HDAC8: variants seen among roughly 807,000 people sequenced by gnomAD.
HDAC8 encodes histone deacetylase-like 1.
A neutral mutation model predicts 32.2 loss-of-function variants in HDAC8; 1 was observed. That is an observed-to-expected ratio of 0.03 (90% CI 0.01 to 0.15). The LOEUF is 0.15. HDAC8 is among the 10% of genes least tolerant of loss of function. The probability of loss-of-function intolerance (pLI) is 1.00; values close to 1 mark genes in which losing one functional copy is unlikely to be tolerated. For synonymous variants in HDAC8, 108 were observed against 113.9 expected, an observed-to-expected ratio of 0.95 and a Z score of 0.33; for missense variants, 117 against 300.0, an observed-to-expected ratio of 0.39 and a Z score of 4.51.
chrX:72,452,272 A>G (rs1555987760), intron 9 of HDAC8, among the ~76,000 whole-genome samples: 1 of 112,046 alleles, frequency 8.9e-6, no homozygotes, highest in African/African-American at 3.2e-5. Flanking sequence ...CCTGGCCAAC[A>G]TGGCGAAACC....
chrX:72,405,246 C>T (rs1427160047), intron 9 of HDAC8, among the ~76,000 whole-genome samples: 2 of 111,879 alleles, frequency 1.8e-5, no homozygotes, highest in Admixed American at 1.9e-4. Flanking sequence ...CCTTCTGTTT[C>T]TGCATTAGTT....
Position 72,451,809 on chromosome X carries a change from T to C in HDAC8, c.1005+10195A>G, listed in dbSNP as rs1161320063. Among the ~76,000 whole-genome samples, 11 of 112,407 alleles carry C rather than the reference T, an allele frequency of 9.8e-5. No homozygotes were observed. The South Asian group carries it at 3.3e-3, about 34-fold the overall frequency. On this transcript the variant is annotated intron_variant, in intron 9 of 10. Coordinates refer to ENST00000373573, the MANE Select transcript of HDAC8 (RefSeq NM_018486.3). ...ACATCTATTTTCAGAAATTGGACAA[T>C]AAACAGTACAAGATACTGATTCCTG...
intron 9 of HDAC8, among the ~76,000 whole-genome samples, chrX:72,399,969 C>A (rs1395977839): frequency 2.7e-5 from 3 of 111,893 alleles, no homozygotes; most frequent in African/African-American, 9.7e-5. Context: ...GTTGCTAAAT[C>A]CAATGGTCAA....
At chrX:72,406,965 G>T (rs782333623) in intron 9 of HDAC8, among the ~76,000 whole-genome samples, 16 of 112,086 alleles carry the variant, frequency 1.4e-4, no homozygotes, top group Admixed American at 2.8e-4. Context: ...GTATGTAGTG[G>T]CTTCAGAGCT....
rs201367359 is a variant in HDAC8 at position 72,440,514 on chromosome X, C to CA, written c.1005+21489dup. Reference sequence around the variant, plus strand: ...GGAGATAGAGACACAAAAAACCCTTCAAAAAAAAATCAATGAATCCATGAG... The same window carrying CA: ...GGAGATAGAGACACAAAAAACCCTTCAAAAAAAAAATCAATGAATCCATGAG... On this transcript the variant is annotated intron_variant, in intron 9 of 10. Coordinates refer to ENST00000373573, the MANE Select transcript of HDAC8 (RefSeq NM_018486.3). Among the ~76,000 whole-genome samples, 775 of 110,255 alleles carry CA rather than the reference C, an allele frequency of 7.0e-3. 7 individuals are homozygous for CA. Among genetic ancestry groups the CA allele is most frequent in the African/African-American group, 0.022 (683 of 30,366 alleles).
intron 9 of HDAC8, among the ~76,000 whole-genome samples, chrX:72,354,360 C>T (rs1259301585): frequency 8.9e-6 from 1 of 112,451 alleles, no homozygotes; most frequent in Non-Finnish European, 1.9e-5. Context: ...TGAGCCAGTT[C>T]TACATGGCAG....
intron 7 of HDAC8, among the ~76,000 whole-genome samples, chrX:72,469,649 G>A (rs368921855): frequency 2.7e-5 from 3 of 112,070 alleles, no homozygotes; most frequent in African/African-American, 9.7e-5. Context: ...GAGAAATCAA[G>A]TGAATTGCTT....
chrX:72,366,387 C>T (rs138728535), intron 9 of HDAC8, among the ~76,000 whole-genome samples: 1 of 112,070 alleles, frequency 8.9e-6, no homozygotes, highest in African/African-American at 3.2e-5. Context: ...TCTCTCCCCA[C>T]TCCTCTTTAT....
intron 9 of HDAC8, among the ~76,000 whole-genome samples, chrX:72,409,491 C>T (rs2046135442): frequency 8.9e-6 from 1 of 112,397 alleles, no homozygotes; most frequent in Admixed American, 9.4e-5. Context: ...AGCTTCTCCA[C>T]CTTCTCCATG....
intron 7 of HDAC8, chrX:72,467,033 T>G (rs1555994993): frequency 9.0e-6 from 1 of 111,612 alleles, no homozygotes; most frequent in Non-Finnish European, 1.9e-5. Context: ...AGGTGGAGAA[T>G]AGATTAGTTG....
intron 4 of HDAC8, among the ~76,000 whole-genome samples, chrX:72,538,583 A>G (rs1247479263): frequency 8.9e-6 from 1 of 112,080 alleles, no homozygotes; most frequent in Admixed American, 9.5e-5. Flanking sequence ...AATTAGTTTT[A>G]GATACAAACT....
chrX:72,554,478 TGGAGCGGGTAGGGCGGGG>T (rs1206039259), intron 4 of HDAC8, among the ~76,000 whole-genome samples: 3 of 13,738 alleles, frequency 2.2e-4, no homozygotes, highest in Non-Finnish European at 3.5e-4. Flanking sequence ...CAGTGCTGTT[TGGAGCGGGTAGGGCGGGG>T]GGAGCGGGGA....
At chrX:72,393,148 A>G (rs782173143) in intron 9 of HDAC8, among the ~76,000 whole-genome samples, 1 of 112,155 alleles carries the variant, frequency 8.9e-6, no homozygotes, top group Non-Finnish European at 1.9e-5. Context: ...CATTGTTAGT[A>G]TAATTTGAGC....
intron 9 of HDAC8, among the ~76,000 whole-genome samples, chrX:72,424,154 A>G (rs182167971): frequency 1.4e-3 from 161 of 112,143 alleles, no homozygotes; most frequent in African/African-American, 5.0e-3. Flanking sequence ...AGTATTCAAT[A>G]TTGTTGTGGA....
intron 4 of HDAC8, among the ~76,000 whole-genome samples, chrX:72,524,340 C>T (rs1348807231): frequency 8.9e-6 from 1 of 112,013 alleles, no homozygotes; most frequent in African/African-American, 3.2e-5. Context: ...TTCTCTACCT[C>T]ATACCCTATG....
chrX:72,567,792 T>A, intron 4 of HDAC8, 97 bp downstream of exon 4: 6 of 1,210,894 alleles, frequency 5.0e-6, no homozygotes, highest in Non-Finnish European at 6.7e-6. Flanking sequence ...TACACACACG[T>A]CTCTCTGTAA....
intron 7 of HDAC8, among the ~76,000 whole-genome samples, chrX:72,476,245 T>C (rs782320839): frequency 9.1e-6 from 1 of 109,989 alleles, no homozygotes; most frequent in African/African-American, 3.3e-5. Context: ...TGTTACTAAA[T>C]CCCAATGGTC....
At chrX:72,441,878 T>C (rs1390737209) in intron 9 of HDAC8, among the ~76,000 whole-genome samples, 16 of 111,682 alleles carry the variant, frequency 1.4e-4, no homozygotes, top group Admixed American at 7.6e-4. Context: ...TCGAGAACTA[T>C]GTGAAGAATG....
intron 9 of HDAC8, among the ~76,000 whole-genome samples, chrX:72,366,479 T>C (rs781821369): frequency 8.9e-6 from 1 of 112,221 alleles, no homozygotes; most frequent in East Asian, 2.8e-4. Context: ...CCAGATGGAG[T>C]AAGTTCCTCC....
Sources: gnomAD v4.1 joint callset for allele counts (sites outside exome capture counted in the v4.1 genomes callset) on GRCh38, gnomAD v4.1.1 for gene constraint, MANE v1.5 for transcripts, NCBI Gene and HGNC (gene_info 2026-07-23, HGNC 2026-07-21) for gene names.